The following LOC128462377 variants were observed in gnomAD, a reference collection of about 807,000 sequenced individuals.
At chr16:89,379,293 T>C in the LOC128462377 span, among the ~76,000 whole-genome samples, 1 of 152,242 alleles carries the variant, frequency 6.6e-6, no homozygotes, top group Non-Finnish European at 1.5e-5. Context: ...ACAAAGACCT[T>C]GTGCCAGTTC....
At chr16:89,396,211 G>C in the LOC128462377 span, 5 of 152,238 alleles carry the variant, frequency 3.3e-5, no homozygotes, top group Non-Finnish European at 7.3e-5. Flanking sequence ...CCCTGGAAGA[G>C]ACAGGTGCTG....
chr16:89,323,217 G>A, the LOC128462377 span: 9 of 974,156 alleles, frequency 9.2e-6, no homozygotes, highest in South Asian at 1.2e-4. Flanking sequence ...AACGGACTGA[G>A]CGGAGGAAAA....
the LOC128462377 span, among the ~76,000 whole-genome samples, chr16:89,382,098 C>T: frequency 6.6e-6 from 1 of 152,318 alleles, no homozygotes; most frequent in South Asian, 2.1e-4. Context: ...GCCACCAGAA[C>T]GGGCGAGGGG....
At chr16:89,350,230 G>A in the LOC128462377 span, among the ~76,000 whole-genome samples, 1 of 152,216 alleles carries the variant, frequency 6.6e-6, no homozygotes, top group African/African-American at 2.4e-5. Flanking sequence ...CAACGCTGGT[G>A]GGAACACAAA....
chr16:89,321,905 G>A, the LOC128462377 span, among the ~76,000 whole-genome samples: 1,598 of 152,248 alleles, frequency 0.01, 27 homozygotes, highest in African/African-American at 0.036. Flanking sequence ...GTGAAAACCC[G>A]GAGGACGAAA....
chr16:89,371,823 C>T, the LOC128462377 span, among the ~76,000 whole-genome samples: 1 of 152,118 alleles, frequency 6.6e-6, no homozygotes, highest in East Asian at 1.9e-4. Context: ...CAATGTCCAT[C>T]ATGTTCCTGA....
At chr16:89,399,137 A>G in the LOC128462377 span, among the ~76,000 whole-genome samples, 1 of 152,222 alleles carries the variant, frequency 6.6e-6, no homozygotes, top group Non-Finnish European at 1.5e-5. Flanking sequence ...ACGGAGCAGG[A>G]GCATGATGAC....
chr16:89,317,338 A>G, the LOC128462377 span, among the ~76,000 whole-genome samples: 8 of 152,232 alleles, frequency 5.3e-5, no homozygotes, highest in Non-Finnish European at 1.2e-4. Flanking sequence ...AAAGGGACGC[A>G]TGGCCTAGGG....
At chr16:89,402,590 G>C in the LOC128462377 span, among the ~76,000 whole-genome samples, 1 of 151,076 alleles carries the variant, frequency 6.6e-6, no homozygotes, top group East Asian at 1.9e-4. Context: ...GCTGAGGTGG[G>C]AGGATTGGTT....
chr16:89,381,354 A>AGGGG, the LOC128462377 span, among the ~76,000 whole-genome samples: 6,270 of 125,306 alleles, frequency 0.05, 290 homozygotes, highest in East Asian at 0.19. Context: ...AAAAAAAAAA[A>AGGGG]GGGGTGAGAA....
At chr16:89,344,689 C>A in the LOC128462377 span, among the ~76,000 whole-genome samples, 2 of 152,168 alleles carry the variant, frequency 1.3e-5, no homozygotes, top group African/African-American at 4.8e-5. Flanking sequence ...GAGCTGCCGA[C>A]ACCTTCAGAC....
At chr16:89,329,732 A>G in the LOC128462377 span, among the ~76,000 whole-genome samples, 2 of 152,214 alleles carry the variant, frequency 1.3e-5, no homozygotes, top group Non-Finnish European at 2.9e-5. Flanking sequence ...CATTAAATAT[A>G]AAATGAGACT....
chr16:89,415,754 G>C, the LOC128462377 span, among the ~76,000 whole-genome samples: 1 of 147,520 alleles, frequency 6.8e-6, no homozygotes, highest in African/African-American at 2.5e-5. Context: ...CTTGAATCTG[G>C]GAGGTGGAGG....
the LOC128462377 span, chr16:89,323,138 G>A: frequency 2.8e-6 from 1 of 359,376 alleles, no homozygotes; most frequent in Admixed American, 3.7e-5. Flanking sequence ...TGGAAAGGGA[G>A]AAGCACGGTC....
At chr16:89,393,269 C>T in the LOC128462377 span, among the ~76,000 whole-genome samples, 1 of 152,016 alleles carries the variant, frequency 6.6e-6, no homozygotes, top group East Asian at 1.9e-4. Context: ...GTCCACTGTA[C>T]ACATTAAACT....
the LOC128462377 span, among the ~76,000 whole-genome samples, chr16:89,402,508 C>T: frequency 4.2e-4 from 64 of 151,822 alleles, no homozygotes; most frequent in Admixed American, 2.0e-4. Context: ...AGGGAGACCC[C>T]GCCTCTAGAA....
chr16:89,347,420 T>A, the LOC128462377 span, among the ~76,000 whole-genome samples: 1 of 152,010 alleles, frequency 6.6e-6, no homozygotes, highest in Non-Finnish European at 1.5e-5. Flanking sequence ...CCATCCTGGC[T>A]AGCACGGTGA....
chr16:89,389,089 G>A, the LOC128462377 span, among the ~76,000 whole-genome samples: 1 of 152,184 alleles, frequency 6.6e-6, no homozygotes, highest in Non-Finnish European at 1.5e-5. Flanking sequence ...CAGTGCTGGA[G>A]TGCAGTGGTA....
At chr16:89,415,635 C>CT in the LOC128462377 span, among the ~76,000 whole-genome samples, 1 of 151,114 alleles carries the variant, frequency 6.6e-6, no homozygotes, top group South Asian at 2.1e-4. Flanking sequence ...CAAGACCAGC[C>CT]TGGCCAACAC....
Sources: allele counts gnomAD v4.1 joint callset (sites outside exome capture counted in the v4.1 genomes callset), GRCh38; gene constraint gnomAD v4.1.1; transcripts MANE v1.5.